MARCHF1: variants seen among roughly 807,000 people sequenced by gnomAD.
MARCHF1 encodes the protein E3 ubiquitin-protein ligase MARCHF1.
In MARCHF1, 40 loss-of-function variants were observed where a neutral mutation model predicts 54.2. The ratio of observed to expected loss-of-function variants is 0.74; its 90% CI spans 0.57 to 0.96. The LOEUF is 0.96. Ranked by LOEUF, MARCHF1 falls within the 40% of genes least tolerant of loss-of-function variation. The probability of loss-of-function intolerance (pLI) is 0.00; values close to 1 mark genes in which losing one functional copy is unlikely to be tolerated. For synonymous variants in MARCHF1, 236 were observed against 236.3 expected, an observed-to-expected ratio of 1.00 and a Z score of 0.01; for missense variants, 586 against 656.5, an observed-to-expected ratio of 0.89 and a Z score of 1.17.
intron 2 of MARCHF1, among the ~76,000 whole-genome samples, chr4:164,073,843 C>T (rs752347090): frequency 5.3e-5 from 8 of 151,740 alleles, no homozygotes; most frequent in African/African-American, 9.7e-5. Context: ...CTCGCTCTGT[C>T]GCCAGGCTGG....
chr4:163,721,210 C>T (rs555928604), intron 4 of MARCHF1, among the ~76,000 whole-genome samples: 2 of 152,192 alleles, frequency 1.3e-5, no homozygotes, highest in Admixed American at 1.3e-4. Flanking sequence ...CCCATCAATA[C>T]CTAATTTATT....
chr4:163,925,753 T>C (rs1751523163), intron 3 of MARCHF1, among the ~76,000 whole-genome samples: 1 of 151,772 alleles, frequency 6.6e-6, no homozygotes. Context: ...TTAGAGAAAC[T>C]GCTCATTTTG....
At chr4:163,944,222 T>C (rs1245193401) in intron 3 of MARCHF1, among the ~76,000 whole-genome samples, 1 of 150,612 alleles carries the variant, frequency 6.6e-6, no homozygotes, top group Non-Finnish European at 1.5e-5. Flanking sequence ...GACCTCGTGA[T>C]CCACCCGCCT....
At chr4:164,330,532 G>A (rs902474530) in intron 1 of MARCHF1, among the ~76,000 whole-genome samples, 5 of 152,114 alleles carry the variant, frequency 3.3e-5, no homozygotes, top group African/African-American at 1.2e-4. Flanking sequence ...CAAACTTTGG[G>A]ATTATTAAGT....
In MARCHF1 at chr4:163,749,576, A is replaced by G. The variant is rs185488837; in HGVS notation, c.112-48713T>C. ...CTGTAACTATTTGTAGATGGTCTTT[A>G]TCAAATTGGGGGAATATCTCTTTTC... On this transcript the variant is annotated intron_variant, in intron 4 of 9. Coordinates refer to ENST00000514618, the MANE Select transcript of MARCHF1 (RefSeq NM_001394959.1). Among the ~76,000 whole-genome samples, 377 of 152,168 alleles carry G rather than the reference A, an allele frequency of 2.5e-3. 3 individuals carry two copies. The highest frequency in any genetic ancestry group is 8.6e-3 in the African/African-American group (359 of 41,520).
intron 5 of MARCHF1, among the ~76,000 whole-genome samples, chr4:163,666,506 G>A (rs984151710): frequency 6.6e-6 from 1 of 152,072 alleles, no homozygotes; most frequent in African/African-American, 2.4e-5. Flanking sequence ...TTTTAAGGAA[G>A]TACATGTTCA....
At chr4:164,135,864 C>T (rs1021704873) in intron 1 of MARCHF1, among the ~76,000 whole-genome samples, 35 of 152,162 alleles carry the variant, frequency 2.3e-4, no homozygotes, top group African/African-American at 8.0e-4. Context: ...CGTTTTTCCT[C>T]AACTCAATAA....
intron 2 of MARCHF1, among the ~76,000 whole-genome samples, chr4:164,014,524 G>A (rs1435972225): frequency 1.3e-5 from 2 of 152,018 alleles, no homozygotes; most frequent in Non-Finnish European, 2.9e-5. Flanking sequence ...ATAACAGAAT[G>A]GCAGTAGAAA....
intron 3 of MARCHF1, among the ~76,000 whole-genome samples, chr4:163,966,679 T>C (rs1423234215): frequency 6.6e-6 from 1 of 152,134 alleles, no homozygotes; most frequent in Non-Finnish European, 1.5e-5. Flanking sequence ...CATTCCATTT[T>C]CCTCATATTC....
At chr4:164,201,831 T>G (rs1731462004) in intron 1 of MARCHF1, among the ~76,000 whole-genome samples, 1 of 152,214 alleles carries the variant, frequency 6.6e-6, no homozygotes, top group South Asian at 2.1e-4. Context: ...TCCAAATTCC[T>G]TAGTATAATG....
intron 9 of MARCHF1, among the ~76,000 whole-genome samples, chr4:163,544,395 C>A (rs998177102): frequency 6.6e-6 from 1 of 152,194 alleles, no homozygotes; most frequent in Non-Finnish European, 1.5e-5. Context: ...AGACTCGACA[C>A]GGTAGTGCTT....
chr4:164,187,049 G>A (rs1730988896), intron 1 of MARCHF1, among the ~76,000 whole-genome samples: 1 of 148,080 alleles, frequency 6.8e-6, no homozygotes, highest in South Asian at 2.1e-4. Flanking sequence ...TGCATGAAAT[G>A]CACATAATCT....
chr4:164,008,069 T>G (rs1009861996), intron 2 of MARCHF1, among the ~76,000 whole-genome samples: 1 of 152,142 alleles, frequency 6.6e-6, no homozygotes, highest in Non-Finnish European at 1.5e-5. Flanking sequence ...AGGACCCAAC[T>G]GTATGTTTCA....
At chr4:163,725,551 A>G (rs1745625681) in intron 4 of MARCHF1, among the ~76,000 whole-genome samples, 3 of 152,206 alleles carry the variant, frequency 2.0e-5, no homozygotes, top group Admixed American at 1.3e-4. Context: ...GGTAATATAG[A>G]AAGTAATGAA....
chr4:163,601,276 G>A (rs531654852), intron 7 of MARCHF1, among the ~76,000 whole-genome samples: 21 of 152,128 alleles, frequency 1.4e-4, no homozygotes, highest in Admixed American at 1.3e-3. Context: ...ACTGTACCCA[G>A]TATTCATGTT....
chr4:164,158,387 T>A (rs1244885750), intron 1 of MARCHF1, among the ~76,000 whole-genome samples: 2 of 152,170 alleles, frequency 1.3e-5, no homozygotes, highest in Non-Finnish European at 2.9e-5. Context: ...CATGCCTGTA[T>A]CTCAGCACTT....
At chr4:163,869,204 G>A (rs903223141) in intron 3 of MARCHF1, among the ~76,000 whole-genome samples, 2 of 151,926 alleles carry the variant, frequency 1.3e-5, no homozygotes, top group Non-Finnish European at 2.9e-5. Flanking sequence ...TAACATTTAG[G>A]TGTCATGCTT....
intron 1 of MARCHF1, among the ~76,000 whole-genome samples, chr4:164,232,249 TAC>T (rs925811531): frequency 6.6e-6 from 1 of 152,180 alleles, no homozygotes; most frequent in African/African-American, 2.4e-5. Context: ...TGAAGGTTAA[TAC>T]AGTTATCACA....
intron 2 of MARCHF1, among the ~76,000 whole-genome samples, chr4:164,005,935 T>C (rs548183391): frequency 1.3e-5 from 2 of 151,898 alleles, no homozygotes; most frequent in Admixed American, 1.3e-4. Context: ...AAAAAGGAGA[T>C]AGTGACCAAG....
Sources: gnomAD v4.1 joint callset for allele counts (sites outside exome capture counted in the v4.1 genomes callset) on GRCh38, gnomAD v4.1.1 for gene constraint, MANE v1.5 for transcripts, NCBI Gene and HGNC (gene_info 2026-07-23, HGNC 2026-07-21) for gene names.